Variants in WNK2 observed in about 807,000 individuals in gnomAD.
WNK2 encodes the protein WNK lysine deficient protein kinase 2.
In WNK2, 67 loss-of-function variants were observed where a neutral mutation model predicts 192.1. The observed-to-expected ratio is 0.35, with a 90% CI of 0.29 to 0.43. The LOEUF is 0.43. Ranked by LOEUF, WNK2 falls within the 20% of genes least tolerant of loss-of-function variation. The pLI is 1.00. For synonymous variants in WNK2, 1,439 were observed against 1,393.9 expected, an observed-to-expected ratio of 1.03 and a Z score of -0.72; for missense variants, 2,698 against 3,089.7, an observed-to-expected ratio of 0.87 and a Z score of 3.01.
At position 93,229,559 on chromosome 9, in the gene WNK2, C is replaced by G; in HGVS notation, c.682-137C>G. ...GTTGTGGTGCCAGTGTCTGCATGCC[C>G]TTCTATCATAGCCGCTTAGCTGCCT... is the stretch of plus-strand genomic sequence containing the variant. On this transcript the variant is annotated intron_variant, in intron 2 of 29. Coordinates refer to ENST00000427277, the MANE Select transcript of WNK2 (RefSeq NM_006648.4). This position sits in a 1 kb window ranked among gnomAD's most constrained non-coding sequence, Gnocchi z 4.9. 2.1e-6 allele frequency: 2 copies of G among 974,654 alleles called. No homozygotes were observed. The highest frequency in any genetic ancestry group is 5.4e-5 in the Admixed American group (2 of 37,330). 60.4% of individuals were successfully genotyped at this position (974,654 alleles called of 1,614,324 possible). A position where few individuals can be genotyped will look rare whatever the true frequency, so the allele number is the denominator to read the frequency against.
chr9:93,308,515 G>A lies in WNK2; in HGVS notation c.6447G>A (p.Leu2149=), dbSNP rs536557873. ...AAQLKPTLNQ[L]KQTQKLQDME... is the part of the protein sequence containing the mutation. ...AGCTGAAGCCCACGCTCAACCAGCT[G>A]AAGCAGACCCAGAAGCTGCAAGACA... The change falls in exon 28 of 30, where the codon CTG becomes CTA. Residue 2149 remains leucine (L), a synonymous_variant. Transcript: ENST00000427277. 6.2e-7 allele frequency: 1 copy of A among 1,606,462 alleles called. No individual in the cohort carries two copies. The highest frequency in any genetic ancestry group is 2.2e-5 in the East Asian group (1 of 44,500).
In WNK2 at chr9:93,185,379, C is replaced by G. The variant is rs1275101687; in HGVS notation, c.450C>G (p.Thr150=). The G allele has an allele frequency of 2.5e-6, 4 of 1,589,888 alleles. No individual in the cohort carries two copies. Among genetic ancestry groups the G allele is most frequent in the Admixed American group, 1.8e-5 (1 of 56,648 alleles). Residue 150 remains threonine (T), a synonymous_variant, in exon 2 of 30, where the codon ACC becomes ACG. Transcript: ENST00000427277. ...DGGPREEAAA[T]VRKEDEGAAE... is the part of the protein sequence containing the mutation. Reference sequence around the variant, plus strand: ...GCCCCAGGGAGGAGGCGGCGGCGACCGTGAGGAAGGAGGATGAGGGGGCGG... The same window carrying G: ...GCCCCAGGGAGGAGGCGGCGGCGACGGTGAGGAAGGAGGATGAGGGGGCGG...
At chr9:93,281,477 C>G (rs1273182765) in intron 19 of WNK2, among the ~76,000 whole-genome samples, 1 of 151,854 alleles carries the variant, frequency 6.6e-6, no homozygotes, top group Non-Finnish European at 1.5e-5. Context: ...TCGGCAAGCT[C>G]TAAAGAAACT....
At position 93,298,924 on chromosome 9, in the gene WNK2, G is replaced by C. The variant is rs1851085440; in HGVS notation, c.5924-146G>C. 3.8e-6 allele frequency: 3 copies of C among 783,916 alleles called. No individual in the cohort carries two copies. The African/African-American group carries it at 5.3e-5, about 14-fold the overall frequency. The allele number at this position is 783,916 out of a possible 1,614,324, so 48.6% of individuals were successfully genotyped here. On this transcript the variant is annotated intron_variant, in intron 24 of 29. Coordinates refer to ENST00000427277, the MANE Select transcript of WNK2 (RefSeq NM_006648.4). The stretch of plus-strand genomic sequence containing the variant: ...GCTCTTCCCCATCACTCCTCTGTGG[G>C]AGATGTGGCCATGTGCCTGTGGTCT...
In WNK2 at chr9:93,301,093, G is replaced by A. The variant is rs1400099872; in HGVS notation, c.6214+944G>A. 7.2e-5 allele frequency among the ~76,000 whole-genome samples: 11 copies of A among 152,366 alleles called. No homozygotes were observed. In the East Asian group the frequency reaches 2.1e-3, roughly 29 times the overall value. On this transcript the variant is annotated intron_variant, in intron 26 of 29. Transcript: ENST00000427277. ...TCCCCTGGAACACAGTTAGTGCCCA[G>A]GAACTCCATCTCCAGGGAAGGCTCT...
intron 27 of WNK2, 97 bp from the exon 28 acceptor site, chr9:93,308,231 T>G (rs1395242594): frequency 2.5e-5 from 37 of 1,476,166 alleles, no homozygotes; most frequent in Non-Finnish European, 3.3e-5. Flanking sequence ...GTGAGACCAT[T>G]GTCTCAGCTG....
In WNK2 at chr9:93,256,520, G is replaced by A. The variant is rs925101481; in HGVS notation, c.2190+66G>A. ...GGCAGTCACCTGTGCTGGCCCCTGG[G>A]CCCAGGTCTATGAGCACCTCCCACA... On this transcript the variant is annotated intron_variant, in intron 10 of 29. Coordinates refer to ENST00000427277, the MANE Select transcript of WNK2 (RefSeq NM_006648.4). 4 of 1,436,728 alleles carry A rather than the reference G, an allele frequency of 2.8e-6. No homozygotes were observed. In the Admixed American group the frequency reaches 1.0e-4, roughly 37 times the overall value. 89.0% of individuals were successfully genotyped at this position (1,436,728 alleles called of 1,614,324 possible). A position where few individuals can be genotyped will look rare whatever the true frequency, so the allele number is the denominator to read the frequency against.
At chr9:93,288,614 A>G (rs1848808941) in intron 19 of WNK2, among the ~76,000 whole-genome samples, 174 bp from the exon 20 acceptor site, 1 of 152,218 alleles carries the variant, frequency 6.6e-6, no homozygotes, top group Non-Finnish European at 1.5e-5. Flanking sequence ...AGGAAGCAGC[A>G]GCCAAGGCTG....
intron 19 of WNK2, among the ~76,000 whole-genome samples, chr9:93,281,929 G>A (rs1041854672): frequency 6.6e-6 from 1 of 152,056 alleles, no homozygotes; most frequent in African/African-American, 2.4e-5. Context: ...GAAATGAAGA[G>A]AAAAGCAGTC....
chr9:93,277,179 G>A (rs992590183), intron 19 of WNK2, among the ~76,000 whole-genome samples: 1 of 152,174 alleles, frequency 6.6e-6, no homozygotes, highest in African/African-American at 2.4e-5. Flanking sequence ...CCACAGGGAG[G>A]CATCACTGCA....
intron 21 of WNK2, 130 bp downstream of exon 21, chr9:93,290,177 C>G (rs984119143): frequency 2.5e-6 from 2 of 784,434 alleles, no homozygotes; most frequent in African/African-American, 3.5e-5. Context: ...ATCCTTTTAT[C>G]TGTAAGGGAT....
Position 93,299,102 on chromosome 9 carries a change from G to C in WNK2, c.5956G>C (p.Ala1986Pro). Reference sequence around the variant, plus strand: ...GGCTGACTCCAGCAGAGGCCCTCCCGCTAAGGACCCTGCCCAAGCCAGTGT... The same window carrying C: ...GGCTGACTCCAGCAGAGGCCCTCCCCCTAAGGACCCTGCCCAAGCCAGTGT... ...HLADSSRGPP[A>P]KDPAQASVGL... The change falls in exon 25 of 30, where the codon GCT (alanine) becomes CCT (proline). Residue 1986 changes from alanine to proline, a missense_variant. Around this residue, in one of 7 missense-constraint regions of WNK2, gnomAD observed 1,098 missense variants for 1,101.0 expected, o/e 1.00. Transcript: ENST00000427277. 2 of 1,611,216 alleles carry C rather than the reference G, an allele frequency of 1.2e-6. No individual in the cohort carries two copies. The highest frequency in any genetic ancestry group is 1.7e-6 in the Non-Finnish European group (2 of 1,179,594).
intron 2 of WNK2, among the ~76,000 whole-genome samples, chr9:93,188,061 G>C (rs1438718853): frequency 6.6e-6 from 1 of 152,170 alleles, no homozygotes; most frequent in South Asian, 2.1e-4. Flanking sequence ...TGGGCATGGG[G>C]AGGGTTCCTG....
rs1423258454 is a variant in WNK2, at chr9:93,211,366, C to CACTCACTCACACATTCACTCACTCATAT, written c.682-18320_682-18293dup. ...CTCATTCACTCATCTACTCACTCAT[C>CACTCACTCACACATTCACTCACTCATAT]ACTCACTCACACATTCACTCACTCA... On this transcript the variant is annotated intron_variant, in intron 2 of 29. Transcript: ENST00000427277. Among the ~76,000 whole-genome samples the CACTCACTCACACATTCACTCACTCATAT allele has an allele frequency of 2.9e-5, 4 of 140,254 alleles. No homozygotes were observed. In the East Asian group the frequency reaches 8.9e-4, roughly 31 times the overall value. The allele number at this position is 140,254 out of a possible 152,430, so 92.0% of individuals were successfully genotyped here.
At chr9:93,225,231 T>G (rs1387105792) in intron 2 of WNK2, among the ~76,000 whole-genome samples, 1 of 151,994 alleles carries the variant, frequency 6.6e-6, no homozygotes, top group Non-Finnish European at 1.5e-5. Flanking sequence ...GAGACTACCA[T>G]CTCTAAAAAA....
Position 93,289,501 on chromosome 9 carries a change from T to A in WNK2, c.4747T>A (p.Phe1583Ile). The A allele has an allele frequency of 3.1e-6, 5 of 1,606,724 alleles. No homozygotes were observed. The highest frequency in any genetic ancestry group is 4.3e-6 in the Non-Finnish European group (5 of 1,175,342). ...GTPVEVGDRDFTLEPLRGDQP... is the reference protein window; with the variant it reads ...GTPVEVGDRDITLEPLRGDQP... The stretch of plus-strand genomic sequence containing the variant: ...CCCTGTGGAGGTGGGCGACAGAGAC[T>A]TCACCCTGGAGCCCCTGAGAGGGGA... The change falls in exon 20 of 30, where the codon TTC becomes ATC. Residue 1583 changes from phenylalanine to isoleucine, a missense_variant. Around this residue, in one of 7 missense-constraint regions of WNK2, gnomAD observed 1,098 missense variants for 1,101.0 expected, o/e 1.00. Coordinates refer to ENST00000427277, the MANE Select transcript of WNK2 (RefSeq NM_006648.4).
intron 7 of WNK2, among the ~76,000 whole-genome samples, chr9:93,241,010 G>A (rs1415820752): frequency 6.6e-6 from 1 of 152,162 alleles, no homozygotes; most frequent in African/African-American, 2.4e-5. Flanking sequence ...TGGACAAGCA[G>A]ACTTTGGTCA....
intron 26 of WNK2, among the ~76,000 whole-genome samples, chr9:93,306,075 C>T (rs371774051): frequency 1.1e-4 from 16 of 152,280 alleles, no homozygotes; most frequent in Non-Finnish European, 2.1e-4. Flanking sequence ...TGGGACCAGT[C>T]GGTTTAGTGG....
rs1315634965 is a variant in WNK2, at chr9:93,292,771, C to T, written c.5306C>T (p.Ala1769Val). 1 of 1,560,372 alleles carries T rather than the reference C, an allele frequency of 6.4e-7. No individual in the cohort carries two copies. Among genetic ancestry groups the T allele is most frequent in the Non-Finnish European group, 8.7e-7 (1 of 1,153,712 alleles). Residue 1769 changes from alanine to valine, a missense_variant, in exon 23 of 30, where the codon GCC (alanine) becomes GTC (valine). Physicochemically the swap from Ala to Val is moderately conservative, Grantham distance 64. This residue lies in a region of WNK2 where 1,098 missense variants were observed against 1,101.0 expected (regional missense o/e 1.00). Transcript: ENST00000427277. ...LASPHSLRYS[A>V]PPDVYLDEAP... ...TCCCCCCACAGCCTGAGATACTCTG[C>T]CCCACCCGACGTCTACCTGGACGAG...
Sources: allele counts gnomAD v4.1 joint callset (sites outside exome capture counted in the v4.1 genomes callset), GRCh38; gene constraint gnomAD v4.1.1; regional missense constraint gnomAD v4.1.1; non-coding constraint Gnocchi (gnomAD v3.1); transcripts MANE v1.5; gene names NCBI Gene and HGNC (gene_info 2026-07-23, HGNC 2026-07-21).